TRAK1: variants seen among roughly 807,000 people sequenced by gnomAD.
The protein encoded by TRAK1 is trafficking kinesin protein 1.
TRAK1 carries 33 observed loss-of-function variants against 92.1 expected under a neutral mutation model. The ratio of observed to expected loss-of-function variants is 0.36; its 90% CI spans 0.27 to 0.48. TRAK1 has a LOEUF of 0.48. Among genes scored for constraint, TRAK1 ranks in the 20% least tolerant of loss-of-function variants. The probability of loss-of-function intolerance (pLI) is 0.99; values close to 1 mark genes in which losing one functional copy is unlikely to be tolerated. For synonymous variants in TRAK1, 521 were observed against 517.3 expected (o/e 1.01, Z -0.10); for missense variants, 1,123 against 1,257.9 (o/e 0.89, Z 1.62).
intron 1 of TRAK1, among the ~76,000 whole-genome samples, chr3:42,116,244 G>A (rs1339026767): frequency 6.6e-6 from 1 of 152,182 alleles, no homozygotes; most frequent in African/African-American, 2.4e-5. Context: ...GTGACATTTG[G>A]CCACCTCCTC....
chr3:42,190,902 G>A (rs1705626821), intron 6 of TRAK1, among the ~76,000 whole-genome samples: 1 of 151,842 alleles, frequency 6.6e-6, no homozygotes, highest in South Asian at 2.1e-4. Flanking sequence ...CAAAGTGCTG[G>A]GATTATAGGT....
At chr3:42,027,645 A>T (rs1195900518) in intron 1 of TRAK1, among the ~76,000 whole-genome samples, 1 of 152,114 alleles carries the variant, frequency 6.6e-6, no homozygotes, top group Non-Finnish European at 1.5e-5. Flanking sequence ...AATATTTTTT[A>T]AAAAGCCCCA....
chr3:42,168,709 G>A (rs1034920518), intron 2 of TRAK1, among the ~76,000 whole-genome samples: 17 of 151,978 alleles, frequency 1.1e-4, no homozygotes, highest in African/African-American at 4.1e-4. Flanking sequence ...GGGTAGCTAG[G>A]ACTATAGGCA....
chr3:42,152,948 C>A (rs1001950233), intron 2 of TRAK1, among the ~76,000 whole-genome samples: 3 of 152,102 alleles, frequency 2.0e-5, no homozygotes, highest in African/African-American at 7.2e-5. Context: ...CTCAGATTCC[C>A]CATCTGGAAA....
At chr3:42,104,901 T>A (rs1707303590) in intron 1 of TRAK1, among the ~76,000 whole-genome samples, 1 of 151,058 alleles carries the variant, frequency 6.6e-6, no homozygotes, top group African/African-American at 2.4e-5. Flanking sequence ...AACAAACTTC[T>A]CCAAGCTAAA....
chr3:42,219,491 T>G lies in TRAK1; in HGVS notation c.1964-3T>G, dbSNP rs1387707003. On this transcript the variant is annotated splice_polypyrimidine_tract_variant and splice_region_variant and intron_variant, in intron 14 of 15. Coordinates refer to ENST00000327628, the MANE Select transcript of TRAK1 (RefSeq NM_001042646.3). The stretch of plus-strand genomic sequence containing the variant: ...GGAATATGTTTTGTTCCTCCCAATT[T>G]AGCGCACCATCCTGGGAAGTGCATG... The G allele has an allele frequency of 6.2e-7, 1 of 1,613,910 alleles. No homozygotes were observed. The highest frequency in any genetic ancestry group is 8.5e-7 in the Non-Finnish European group (1 of 1,179,976).
At chr3:42,174,976 A>C (rs922948476) in intron 2 of TRAK1, among the ~76,000 whole-genome samples, 1 of 152,090 alleles carries the variant, frequency 6.6e-6, no homozygotes, top group African/African-American at 2.4e-5. Flanking sequence ...TTTGAGTATT[A>C]TCTCTAAATA....
intron 1 of TRAK1, among the ~76,000 whole-genome samples, chr3:42,021,766 G>C (rs116287753): frequency 0.021 from 3,244 of 152,096 alleles, 45 homozygotes; most frequent in Non-Finnish European, 0.035. Context: ...TAGTAGAGAC[G>C]GGTTTTACTG....
chr3:42,176,413 G>C (rs956985570), intron 2 of TRAK1, among the ~76,000 whole-genome samples: 13 of 152,172 alleles, frequency 8.5e-5, no homozygotes, highest in African/African-American at 3.1e-4. Context: ...GGTCTGTATG[G>C]TTAGTGGAGT....
At chr3:42,152,145 T>C (rs1468569383) in intron 2 of TRAK1, among the ~76,000 whole-genome samples, 2 of 152,208 alleles carry the variant, frequency 1.3e-5, no homozygotes, top group South Asian at 2.1e-4. Context: ...GTATTCCTCC[T>C]GTTTATTAAT....
chr3:42,158,787 C>CAAAAAAAAA (rs149521969), intron 2 of TRAK1, among the ~76,000 whole-genome samples: 155 of 69,056 alleles, frequency 2.2e-3, no homozygotes, highest in Non-Finnish European at 3.0e-3. Flanking sequence ...ACAAAAAATA[C>CAAAAAAAAA]AAAAAAAAAA....
intron 2 of TRAK1, among the ~76,000 whole-genome samples, chr3:42,167,537 G>A (rs1274954121): frequency 6.6e-6 from 1 of 152,136 alleles, no homozygotes; most frequent in Non-Finnish European, 1.5e-5. Flanking sequence ...CCGTTCCAGT[G>A]GCCACTTCAA....
At chr3:42,209,515 A>T (rs2149501641) in intron 13 of TRAK1, among the ~76,000 whole-genome samples, 1 of 152,146 alleles carries the variant, frequency 6.6e-6, no homozygotes, top group East Asian at 1.9e-4. Flanking sequence ...TGTGGATTTT[A>T]CTTTAAAAAA....
intron 1 of TRAK1, among the ~76,000 whole-genome samples, chr3:42,039,014 A>AATATT (rs946934333): frequency 2.6e-5 from 4 of 151,886 alleles, no homozygotes; most frequent in Non-Finnish European, 5.9e-5. Context: ...CTGTGATCAC[A>AATATT]ATATTATTTT....
chr3:42,201,140 G>C (rs954520443), intron 12 of TRAK1, 86 bp downstream of exon 12: 1 of 1,429,708 alleles, frequency 7.0e-7, no homozygotes, highest in Admixed American at 1.8e-5. Flanking sequence ...ATTATTAAGA[G>C]GGAGGTAGAT....
chr3:42,187,509 C>G (rs1308359204), intron 4 of TRAK1, among the ~76,000 whole-genome samples: 1 of 151,944 alleles, frequency 6.6e-6, no homozygotes, highest in Non-Finnish European at 1.5e-5. Flanking sequence ...GCTCTGTTGC[C>G]CAGGCTGGAG....
rs545853009 is a variant in TRAK1, at chr3:42,212,059, A to G, written c.1963+2074A>G. The G allele has an allele frequency of 7.8e-5, 77 of 985,368 alleles. No individual in the cohort carries two copies. The African/African-American group carries it at 1.2e-3, about 15-fold the overall frequency. 61.0% of individuals were successfully genotyped at this position (985,368 alleles called of 1,614,324 possible). A position where few individuals can be genotyped will look rare whatever the true frequency, so the allele number is the denominator to read the frequency against. On this transcript the variant is annotated intron_variant, in intron 14 of 15. Coordinates refer to ENST00000327628, the MANE Select transcript of TRAK1 (RefSeq NM_001042646.3). ...GAGGGGAGAACAATGAATTGGCTCT[A>G]TTTTCTCTATTGGGAATTACAGGAC...
intron 2 of TRAK1, among the ~76,000 whole-genome samples, chr3:42,173,367 AC>A (rs1702800094): frequency 6.6e-6 from 1 of 152,010 alleles, no homozygotes; most frequent in Non-Finnish European, 1.5e-5. Context: ...GAAAAGCATA[AC>A]CTGTGTTTAT....
upstream of TRAK1, among the ~76,000 whole-genome samples, chr3:42,085,629 TGGG>T (rs1265143793): frequency 6.6e-6 from 1 of 152,232 alleles, no homozygotes; most frequent in Non-Finnish European, 1.5e-5. Context: ...TCTACCATGT[TGGG>T]GGAAATGTCT....
Sources: gnomAD v4.1 joint callset for allele counts (sites outside exome capture counted in the v4.1 genomes callset) on GRCh38, gnomAD v4.1.1 for gene constraint, MANE v1.5 for transcripts, NCBI Gene and HGNC (gene_info 2026-07-23, HGNC 2026-07-21) for gene names.